The following SP140 variants were observed in gnomAD, a reference collection of about 807,000 sequenced individuals.
The protein encoded by SP140 is SP140 nuclear body protein.
Under a neutral mutation model 125.0 loss-of-function variants are expected in SP140, and 81 were observed. The ratio of observed to expected loss-of-function variants is 0.65; its 90% confidence interval spans 0.54 to 0.78. The LOEUF (loss-of-function observed/expected upper bound fraction) is 0.78. Ranked by LOEUF, SP140 falls within the 30% of genes least tolerant of loss-of-function variation. The probability of loss-of-function intolerance (pLI) is 0.00; values close to 1 mark genes in which losing one functional copy is unlikely to be tolerated. For synonymous variants in SP140, 312 were observed against 354.0 expected, an observed-to-expected ratio of 0.88 and a Z score of 1.33; for missense variants, 858 against 1,037.0, an observed-to-expected ratio of 0.83 and a Z score of 2.37.
Position 230,280,397 on chromosome 2 carries a change from A to G in SP140, c.1499-3949A>G, listed in dbSNP as rs568338923. 9.9e-5 allele frequency among the ~76,000 whole-genome samples: 15 copies of G among 152,082 alleles called. No homozygotes were observed. The South Asian group carries it at 3.1e-3, about 31-fold the overall frequency. On this transcript the variant is annotated intron_variant, in intron 15 of 26. Coordinates refer to ENST00000392045, the MANE Select transcript of SP140 (RefSeq NM_007237.5). Reference sequence around the variant, plus strand: ...ATGCCCTTTTGTTCAGTTTTCTTTTATGTCTCTTGTAACTGCACTTAACTT... The same window carrying G: ...ATGCCCTTTTGTTCAGTTTTCTTTTGTGTCTCTTGTAACTGCACTTAACTT...
At chr2:230,272,412 G>A (rs553454186) in intron 15 of SP140, among the ~76,000 whole-genome samples, 2 of 152,236 alleles carry the variant, frequency 1.3e-5, no homozygotes, top group Admixed American at 1.3e-4. Context: ...ATTGTGGGAG[G>A]GACCCAGTGG....
intron 24 of SP140, 143 bp from the exon 25 acceptor site, chr2:230,311,011 C>T (rs2059284665): frequency 9.4e-7 from 1 of 1,066,316 alleles, no homozygotes; most frequent in Non-Finnish European, 1.3e-6. Context: ...CAAAAAATAA[C>T]TCAGCCATGA....
intron 15 of SP140, among the ~76,000 whole-genome samples, chr2:230,279,137 A>G (rs968180290): frequency 1.3e-5 from 2 of 152,134 alleles, no homozygotes; most frequent in Non-Finnish European, 2.9e-5. Flanking sequence ...TTGCACACTG[A>G]AAACTATGAC....
chr2:230,257,343 A>G (rs1328545442), intron 12 of SP140, among the ~76,000 whole-genome samples: 2 of 150,958 alleles, frequency 1.3e-5, no homozygotes, highest in African/African-American at 2.4e-5. Context: ...TATGAAAAGT[A>G]TATGTAGCAC....
chr2:230,232,148 T>G (rs1413236058), intron 1 of SP140, among the ~76,000 whole-genome samples: 4 of 152,234 alleles, frequency 2.6e-5, no homozygotes, highest in Non-Finnish European at 5.9e-5. Context: ...TTTTAAAAAC[T>G]TTTCTTTTCC....
chr2:230,271,734 T>G (rs1057332525), intron 15 of SP140, among the ~76,000 whole-genome samples: 6 of 152,148 alleles, frequency 3.9e-5, no homozygotes, highest in Admixed American at 2.0e-4. Flanking sequence ...GAATCAAGTC[T>G]TGATGATTTA....
chr2:230,262,355 G>A (rs1037276945), intron 12 of SP140, among the ~76,000 whole-genome samples: 5 of 152,038 alleles, frequency 3.3e-5, no homozygotes, highest in African/African-American at 1.2e-4. Flanking sequence ...GGTTAATCTT[G>A]CCAATGGTCT....
At chr2:230,270,319 A>G (rs2053751314) in intron 14 of SP140, among the ~76,000 whole-genome samples, 1 of 152,190 alleles carries the variant, frequency 6.6e-6, no homozygotes, top group Non-Finnish European at 1.5e-5. Flanking sequence ...CACTCAAAAG[A>G]CAACTAATCC....
intron 15 of SP140, among the ~76,000 whole-genome samples, chr2:230,278,371 T>C (rs1479465362): frequency 6.6e-6 from 1 of 152,126 alleles, no homozygotes; most frequent in Non-Finnish European, 1.5e-5. Context: ...TATTGAGTTA[T>C]GTGAGTTCCT....
At chr2:230,258,857 G>T (rs2051701244) in intron 12 of SP140, among the ~76,000 whole-genome samples, 1 of 151,836 alleles carries the variant, frequency 6.6e-6, no homozygotes, top group Non-Finnish European at 1.5e-5. Context: ...CAGCCTCAAA[G>T]AATGTGTTTA....
chr2:230,297,462 T>C lies in SP140; in HGVS notation c.2058T>C (p.Cys686=). ...AAAACAATAGCTCAGTTGACCCTTGTGTAAGTACAAATTCTGAACTACGAC... is the reference window on the plus strand; with the variant it reads ...AAAACAATAGCTCAGTTGACCCTTGCGTAAGTACAAATTCTGAACTACGAC... ...KSQNNSSVDP[C]MRNLDECEVC... The change falls in exon 22 of 27, where the codon TGT becomes TGC. Residue 686 remains cysteine, a splice_region_variant and synonymous_variant. Coordinates refer to ENST00000392045, the MANE Select transcript of SP140 (RefSeq NM_007237.5). The C allele has an allele frequency of 6.2e-7, 1 of 1,613,942 alleles. No individual in the cohort carries two copies. Among genetic ancestry groups the C allele is most frequent in the South Asian group, 1.1e-5 (1 of 91,066 alleles).
upstream of SP140, chr2:230,200,318 G>A (rs1170651642): frequency 1.3e-5 from 2 of 155,160 alleles, no homozygotes; most frequent in African/African-American, 4.8e-5. Context: ...CTCCAGAAAT[G>A]TGAATAATGG....
At chr2:230,224,460 G>GGAGGGAGAGA (rs2046086413), upstream of SP140, among the ~76,000 whole-genome samples, 15 of 145,924 alleles carry the variant, frequency 1.0e-4, no homozygotes, top group African/African-American at 3.8e-4. Context: ...AGAGGGAGAG[G>GGAGGGAGAGA]GAGGGAGAGG....
the SP140 span, among the ~76,000 whole-genome samples, chr2:230,196,544 A>T: frequency 0.83 from 124,895 of 150,418 alleles, 51,905 homozygotes; most frequent in East Asian, 0.99. Context: ...TCTTTTTTTT[A>T]AAATTTTATT....
chr2:230,288,212 G>A, intron 18 of SP140: 1 of 406,198 alleles, frequency 2.5e-6, no homozygotes, highest in Non-Finnish European at 4.5e-6. Flanking sequence ...TCACTGAAAT[G>A]ATAAATTTCA....
At chr2:230,216,702 T>C in intron 3 of SP140, 1 of 1,546,364 alleles carries the variant, frequency 6.5e-7, no homozygotes, top group Non-Finnish European at 8.9e-7. Flanking sequence ...GAAGCCCTGG[T>C]GGTTTGTGGT....
At chr2:230,229,885 A>G (rs768760996) in intron 1 of SP140, among the ~76,000 whole-genome samples, 1 of 151,726 alleles carries the variant, frequency 6.6e-6, no homozygotes, top group Non-Finnish European at 1.5e-5. Flanking sequence ...ATGGTTTTTA[A>G]TGAGAAATCT....
At chr2:230,263,521 T>G (rs912857736) in intron 12 of SP140, among the ~76,000 whole-genome samples, 1 of 152,188 alleles carries the variant, frequency 6.6e-6, no homozygotes, top group African/African-American at 2.4e-5. Flanking sequence ...GTGTACTTTT[T>G]GTTTTTATTT....
chr2:230,234,767 T>C (rs889778690), intron 1 of SP140, among the ~76,000 whole-genome samples: 12 of 152,230 alleles, frequency 7.9e-5, no homozygotes, highest in Admixed American at 3.3e-4. Context: ...AAGGTCGTTT[T>C]ATTTTCTGGT....
Sources: allele counts gnomAD v4.1 joint callset (sites outside exome capture counted in the v4.1 genomes callset), GRCh38; gene constraint gnomAD v4.1.1; transcripts MANE v1.5; gene names NCBI Gene and HGNC (gene_info 2026-07-23, HGNC 2026-07-21).